Variants in STK3 observed in about 807,000 individuals in gnomAD.
STK3 encodes the protein serine/threonine-protein kinase 3.
STK3 carries 41 observed loss-of-function variants against 58.0 expected under a neutral mutation model. The observed-to-expected ratio is 0.71, with a 90% CI of 0.55 to 0.92. STK3 has a LOEUF of 0.92. STK3 is among the 40% of genes least tolerant of loss of function. The probability of loss-of-function intolerance (pLI) is 0.00; values close to 1 mark genes in which losing one functional copy is unlikely to be tolerated. For missense variants in STK3, 479 were observed against 602.7 expected (o/e 0.79, Z 2.15); for synonymous variants, 170 against 191.0 (o/e 0.89, Z 0.91).
chr8:98,527,869 G>A (rs1825866394), intron 9 of STK3, among the ~76,000 whole-genome samples: 1 of 152,010 alleles, frequency 6.6e-6, no homozygotes, highest in Admixed American at 6.6e-5. Context: ...CTTAATCTGA[G>A]GTGAGTTGCC....
chr8:98,765,154 T>C (rs1830863907), intron 3 of STK3, among the ~76,000 whole-genome samples: 1 of 152,154 alleles, frequency 6.6e-6, no homozygotes, highest in African/African-American at 2.4e-5. Context: ...TTAACCATAA[T>C]AACAAAATAA....
chr8:98,647,678 T>C (rs1043159179), intron 6 of STK3, among the ~76,000 whole-genome samples: 1 of 152,168 alleles, frequency 6.6e-6, no homozygotes, highest in Non-Finnish European at 1.5e-5. Flanking sequence ...AGATAATTTC[T>C]GTATTTCTTT....
intron 4 of STK3, among the ~76,000 whole-genome samples, chr8:98,738,209 G>A (rs1220049554): frequency 1.3e-5 from 2 of 152,158 alleles, no homozygotes; most frequent in South Asian, 2.1e-4. Flanking sequence ...CAGACACGGT[G>A]GCTCATGCCT....
chr8:98,723,906 G>A (rs1321821578), intron 4 of STK3, among the ~76,000 whole-genome samples: 2 of 152,046 alleles, frequency 1.3e-5, no homozygotes, highest in Non-Finnish European at 2.9e-5. Flanking sequence ...CCTCGAGTCA[G>A]GATTAATCTA....
At chr8:98,719,158 G>A (rs943833194) in intron 4 of STK3, among the ~76,000 whole-genome samples, 2 of 152,090 alleles carry the variant, frequency 1.3e-5, no homozygotes, top group African/African-American at 2.4e-5. Context: ...CAGACGGTGG[G>A]CAAGGTGGTG....
chr8:98,620,584 A>G (rs1818206805), intron 6 of STK3, among the ~76,000 whole-genome samples: 1 of 151,576 alleles, frequency 6.6e-6, no homozygotes, highest in Non-Finnish European at 1.5e-5. Context: ...ATGAAAATAC[A>G]ACAAATCCTG....
intron 3 of STK3, among the ~76,000 whole-genome samples, chr8:98,831,815 G>C (rs1467608929): frequency 6.6e-6 from 1 of 152,110 alleles, no homozygotes; most frequent in Non-Finnish European, 1.5e-5. Flanking sequence ...TTTAACCACT[G>C]TCCTCCTTTA....
intron 10 of STK3, among the ~76,000 whole-genome samples, chr8:98,505,332 G>A (rs950715214): frequency 3.9e-5 from 6 of 152,044 alleles, no homozygotes; most frequent in South Asian, 4.2e-4. Context: ...CAATGGGTTC[G>A]AACATCCTCC....
chr8:98,447,194 T>C (rs1818989352), intron 1 of STK3, among the ~76,000 whole-genome samples: 1 of 151,950 alleles, frequency 6.6e-6, no homozygotes, highest in South Asian at 2.1e-4. Flanking sequence ...CCATGACATA[T>C]GGATTTACCT....
chr8:98,423,292 G>A, intron 3 of STK3, among the ~76,000 whole-genome samples: 1 of 152,260 alleles, frequency 6.6e-6, no homozygotes, highest in East Asian at 1.9e-4. Context: ...TCTCTGAGGA[G>A]GTGATATTTA....
intron 4 of STK3, among the ~76,000 whole-genome samples, chr8:98,709,119 AGGGACTGCTC>A (rs1408633050): frequency 6.6e-6 from 1 of 152,194 alleles, no homozygotes; most frequent in African/African-American, 2.4e-5. Context: ...CTAAATGATT[AGGGACTGCTC>A]TCAAGCTTAT....
Position 98,614,160 on chromosome 8 carries a change from GA to G in STK3, c.685-17992del, listed in dbSNP as rs1213325091. On this transcript the variant is annotated intron_variant, in intron 6 of 10. Coordinates refer to ENST00000419617, the MANE Select transcript of STK3 (RefSeq NM_006281.4). ...TAGACAGAAAATCAGCAAGGATACA[GA>G]AGAAATCAACAACACCATCAACAAA... Among the ~76,000 whole-genome samples, 2 of 152,116 alleles carry G rather than the reference GA, an allele frequency of 1.3e-5. 1 individual carries two copies. Among genetic ancestry groups the G allele is most frequent in the Middle Eastern group, 6.4e-3 (2 of 314 alleles).
At chr8:98,854,788 G>T (rs1312126120) in intron 3 of STK3, among the ~76,000 whole-genome samples, 2 of 152,092 alleles carry the variant, frequency 1.3e-5, no homozygotes, top group Non-Finnish European at 2.9e-5. Context: ...GGGCACGGTG[G>T]CTCACACCTG....
intron 3 of STK3, among the ~76,000 whole-genome samples, chr8:98,848,278 G>A (rs1234353423): frequency 1.4e-5 from 2 of 147,910 alleles, no homozygotes; most frequent in African/African-American, 2.5e-5. Context: ...ACAGAGTTTC[G>A]CTCTTGTTGC....
At chr8:98,441,263 T>A (rs933902393) in intron 1 of STK3, among the ~76,000 whole-genome samples, 25 of 152,222 alleles carry the variant, frequency 1.6e-4, no homozygotes, top group African/African-American at 5.5e-4. Flanking sequence ...AATAGACACA[T>A]CTTTATACCC....
At chr8:98,459,482 G>A (rs1040579181) in intron 10 of STK3, among the ~76,000 whole-genome samples, 3 of 152,194 alleles carry the variant, frequency 2.0e-5, no homozygotes, top group Non-Finnish European at 2.9e-5. Flanking sequence ...AGAAAAACCT[G>A]TTTTCTGGGG....
intron 3 of STK3, among the ~76,000 whole-genome samples, chr8:98,876,307 G>T (rs1248424620): frequency 6.6e-6 from 1 of 152,154 alleles, no homozygotes; most frequent in Non-Finnish European, 1.5e-5. Flanking sequence ...CTTGAAGTGG[G>T]TCAAAGACCA....
At chr8:98,905,007 T>C (rs1454391243) in intron 1 of STK3, 45 of 779,538 alleles carry the variant, frequency 5.8e-5, no homozygotes, top group Admixed American at 1.4e-4. Context: ...CTTATAGTAG[T>C]GGAGTGCTGC....
At position 98,526,787 on chromosome 8, in the gene STK3, A is replaced by G; in HGVS notation, c.1272T>C (p.Val424=). The stretch of plus-strand genomic sequence containing the variant: ...GAGGAACTTTCCAGTTATCAGGAAA[A>G]ACGTTTTTGGACATAGGGAAGGGTT... ...MHEPFPMSKN[V]FPDNWKVPQD... is the part of the protein sequence containing the mutation. The change falls in exon 10 of 11, where the codon GTT becomes GTC. Residue 424 remains valine, a synonymous_variant. Transcript: ENST00000419617. 1 of 1,585,336 alleles carries G rather than the reference A, an allele frequency of 6.3e-7. No homozygotes were observed. The highest frequency in any genetic ancestry group is 1.2e-5 in the South Asian group (1 of 85,416).
Sources: gnomAD v4.1 joint callset for allele counts (sites outside exome capture counted in the v4.1 genomes callset) on GRCh38, gnomAD v4.1.1 for gene constraint, MANE v1.5 for transcripts, NCBI Gene and HGNC (gene_info 2026-07-23, HGNC 2026-07-21) for gene names.